The following ANK2 variants were observed in gnomAD, a reference collection of about 807,000 sequenced individuals.
ANK2 encodes the protein ankyrin 2.
In ANK2, 83 loss-of-function variants were observed where a neutral mutation model predicts 360.5. That is an observed-to-expected ratio of 0.23 (90% CI 0.19 to 0.28). ANK2 has a LOEUF of 0.28. Among genes scored for constraint, ANK2 ranks in the 10% least tolerant of loss-of-function variants. The pLI, the probability that ANK2 is intolerant of heterozygous loss-of-function variation, is 1.00. For synonymous variants in ANK2, 1,740 were observed against 1,759.5 expected, an observed-to-expected ratio of 0.99 and a Z score of 0.28; for missense variants, 4,201 against 4,795.7, an observed-to-expected ratio of 0.88 and a Z score of 3.66.
chr4:112,905,177 CGAAATATT>C lies in ANK2; in HGVS notation c.21+665_21+672del, dbSNP rs1561035239. 4.6e-5 allele frequency among the ~76,000 whole-genome samples: 7 copies of C among 152,146 alleles called. No individual in the cohort carries two copies. The East Asian group carries it at 1.4e-3, about 29-fold the overall frequency. ...CCGTTTCTTTTCTAGAAGGAATCTA[CGAAATATT>C]GTGAAAATCATCTCATTTGGTTACA... On this transcript the variant is annotated intron_variant, in intron 2 of 30. Transcript: ENST00000503271.
intron 1 of ANK2, among the ~76,000 whole-genome samples, chr4:112,836,384 A>G (rs2060995342): frequency 6.6e-6 from 1 of 152,318 alleles, no homozygotes; most frequent in African/African-American, 2.4e-5. Context: ...AGTGTGAGAA[A>G]GGACTAATAA....
chr4:112,991,468 G>C (rs932221100), intron 2 of ANK2, among the ~76,000 whole-genome samples: 1 of 152,002 alleles, frequency 6.6e-6, no homozygotes, highest in African/African-American at 2.4e-5. Flanking sequence ...GTCTTTGCTG[G>C]TATAATCCCT....
At chr4:113,097,808 T>C (rs1220886736) in intron 1 of ANK2, among the ~76,000 whole-genome samples, 1 of 149,438 alleles carries the variant, frequency 6.7e-6, no homozygotes, top group Non-Finnish European at 1.5e-5. Context: ...AAACCCAAAA[T>C]AGCTATAGAT....
At chr4:113,330,680 G>A (rs1315429419) in intron 27 of ANK2, among the ~76,000 whole-genome samples, 1 of 152,182 alleles carries the variant, frequency 6.6e-6, no homozygotes, top group African/African-American at 2.4e-5. Context: ...AAACATTCAG[G>A]TTGAATACCA....
At position 113,356,027 on chromosome 4, in the gene ANK2, A is replaced by G. The variant is rs2095744360; in HGVS notation, c.7409A>G (p.Glu2470Gly). ...GAATCCCCTTGCCGTGACTCTCTGG[A>G]AAGCAGCCCTGTTGAACCAAAGATG... is the stretch of plus-strand genomic sequence containing the variant. ...LKESPCRDSL[E>G]SSPVEPKMKA... Residue 2470 changes from glutamate (E) to glycine (G), a missense_variant, in exon 38 of 46, where the codon GAA becomes GGA. Coordinates refer to ENST00000357077, the MANE Select transcript of ANK2 (RefSeq NM_001148.6). 4 of 1,614,094 alleles carry G rather than the reference A, an allele frequency of 2.5e-6. No individual in the cohort carries two copies. The highest frequency in any genetic ancestry group is 3.4e-6 in the Non-Finnish European group (4 of 1,179,972).
intron 1 of ANK2, among the ~76,000 whole-genome samples, chr4:113,092,711 C>G (rs530208496): frequency 2.5e-4 from 38 of 152,092 alleles, no homozygotes; most frequent in African/African-American, 8.7e-4. Context: ...TTAATAATAC[C>G]TACCTCCTAT....
chr4:112,906,838 G>A (rs1367506094), intron 2 of ANK2, among the ~76,000 whole-genome samples: 1 of 152,066 alleles, frequency 6.6e-6, no homozygotes, highest in Non-Finnish European at 1.5e-5. Context: ...ATTGATGACT[G>A]GGAATTTGTA....
At chr4:113,008,858 C>T (rs1032318766) in intron 2 of ANK2, among the ~76,000 whole-genome samples, 2 of 152,102 alleles carry the variant, frequency 1.3e-5, no homozygotes, top group African/African-American at 4.8e-5. Flanking sequence ...AGCTGTCCCA[C>T]AGACTCAGCC....
At chr4:112,846,433 C>T (rs918512317) in intron 1 of ANK2, among the ~76,000 whole-genome samples, 5 of 152,150 alleles carry the variant, frequency 3.3e-5, no homozygotes, top group African/African-American at 1.2e-4. Flanking sequence ...TTTTAATAGG[C>T]CATTCGTCCA....
At chr4:112,953,482 TCTCCAGAGACTTC>T (rs1422289711) in intron 2 of ANK2, among the ~76,000 whole-genome samples, 1 of 152,240 alleles carries the variant, frequency 6.6e-6, no homozygotes, top group Non-Finnish European at 1.5e-5. Flanking sequence ...TGTTCCCAAG[TCTCCAGAGACTTC>T]CAAGGCTTCC....
At chr4:113,173,131 C>G (rs2098052081) in intron 1 of ANK2, among the ~76,000 whole-genome samples, 1 of 152,168 alleles carries the variant, frequency 6.6e-6, no homozygotes, top group African/African-American at 2.4e-5. Flanking sequence ...TAATCTATCT[C>G]ATTTATAAAC....
chr4:112,742,724 ATCT>A, the ANK2 span, among the ~76,000 whole-genome samples: 65 of 151,450 alleles, frequency 4.3e-4, no homozygotes, highest in East Asian at 0.01. Context: ...CTCATTCCAC[ATCT>A]TCTTTTTTTT....
intron 1 of ANK2, among the ~76,000 whole-genome samples, chr4:112,885,433 A>G (rs968002581): frequency 1.2e-4 from 18 of 147,624 alleles, no homozygotes; most frequent in Non-Finnish European, 1.0e-4. Flanking sequence ...CGGGAAGCCG[A>G]GGTTGCAGTG....
intron 2 of ANK2, among the ~76,000 whole-genome samples, chr4:112,996,919 T>G (rs567941056): frequency 3.3e-5 from 5 of 152,230 alleles, no homozygotes; most frequent in Admixed American, 2.0e-4. Context: ...TTTCCCAGCC[T>G]CTGGTAACCA....
intron 10 of ANK2, among the ~76,000 whole-genome samples, chr4:113,251,102 A>G (rs1277697064): frequency 4.6e-5 from 7 of 152,244 alleles, no homozygotes. Context: ...AAGTTTTGAT[A>G]AAGAAACGTT....
intron 11 of ANK2, among the ~76,000 whole-genome samples, chr4:113,256,986 A>G (rs930286066): frequency 6.6e-6 from 1 of 152,232 alleles, no homozygotes; most frequent in South Asian, 2.1e-4. Context: ...CTGCATGTGC[A>G]TGTGGCTATT....
At chr4:112,719,648 A>C in the ANK2 span, among the ~76,000 whole-genome samples, 1 of 151,626 alleles carries the variant, frequency 6.6e-6, no homozygotes, top group Admixed American at 6.6e-5. Flanking sequence ...GAATGGCGTG[A>C]ACCCAGGGGG....
chr4:113,335,757 C>T, intron 29 of ANK2, 89 bp from the exon 30 acceptor site: 2 of 1,347,724 alleles, frequency 1.5e-6, no homozygotes, highest in Non-Finnish European at 2.1e-6. Context: ...CACTTCTGTT[C>T]ATTATTAACC....
At chr4:113,258,561 A>G (rs908388676) in intron 13 of ANK2, 150 bp downstream of exon 13, 1 of 791,796 alleles carries the variant, frequency 1.3e-6, no homozygotes, top group African/African-American at 1.7e-5. Flanking sequence ...TATTGAAATA[A>G]TCACCAGAAC....
Sources: gnomAD v4.1 joint callset for allele counts (sites outside exome capture counted in the v4.1 genomes callset) on GRCh38, gnomAD v4.1.1 for gene constraint, MANE v1.5 for transcripts, NCBI Gene and HGNC (gene_info 2026-07-23, HGNC 2026-07-21) for gene names.